The following FAXC variants were observed in gnomAD, a reference collection of about 807,000 sequenced individuals.
FAXC encodes the protein failed axon connections homolog, metaxin like GST domain containing, also known as failed axon connections homolog.
A neutral mutation model predicts 41.9 loss-of-function variants in FAXC; 10 were observed. The observed-to-expected ratio is 0.24, with a 90% CI of 0.15 to 0.41. FAXC has a LOEUF of 0.41. FAXC is among the 10% of genes least tolerant of loss of function. The pLI is 1.00. For synonymous variants in FAXC, 183 were observed against 183.8 expected (o/e 1.00, Z 0.03); for missense variants, 399 against 510.9 (o/e 0.78, Z 2.11).
At chr6:99,319,876 A>T (rs1328409157) in intron 4 of FAXC, among the ~76,000 whole-genome samples, 1 of 152,170 alleles carries the variant, frequency 6.6e-6, no homozygotes, top group African/African-American at 2.4e-5. Context: ...TCCTTCGTAA[A>T]CTTACTGAAT....
intron 4 of FAXC, among the ~76,000 whole-genome samples, chr6:99,318,306 C>CACACAAAA (rs147852055): frequency 0.023 from 3,055 of 135,270 alleles, 95 homozygotes; most frequent in Middle Eastern, 0.039. Flanking sequence ...CACACACACA[C>CACACAAAA]AAAATAGAAG....
At chr6:99,337,227 A>G (rs1582684531) in intron 2 of FAXC, among the ~76,000 whole-genome samples, 1 of 151,086 alleles carries the variant, frequency 6.6e-6, no homozygotes, top group African/African-American at 2.4e-5. Flanking sequence ...GGGGGTGTGC[A>G]CTGTACTATT....
At chr6:99,310,769 C>A (rs1401925982) in intron 4 of FAXC, among the ~76,000 whole-genome samples, 1 of 152,150 alleles carries the variant, frequency 6.6e-6, no homozygotes, top group Admixed American at 6.5e-5. Context: ...AACATGTGTG[C>A]GTAGATGTTC....
At chr6:99,308,550 T>C (rs1430762046) in intron 4 of FAXC, among the ~76,000 whole-genome samples, 1 of 150,674 alleles carries the variant, frequency 6.6e-6, no homozygotes, top group Non-Finnish European at 1.5e-5. Flanking sequence ...TATGAACTTA[T>C]CTCAGGGAAA....
intron 4 of FAXC, among the ~76,000 whole-genome samples, chr6:99,322,484 G>A (rs79054756): frequency 1.8e-3 from 270 of 152,266 alleles, no homozygotes; most frequent in African/African-American, 6.4e-3. Flanking sequence ...GGTACTTAAT[G>A]TGCTCTAGAA....
chr6:99,332,701 T>C lies in FAXC; in HGVS notation c.599+650A>G, dbSNP rs367914053. Among the ~76,000 whole-genome samples the C allele has an allele frequency of 9.2e-5, 14 of 152,316 alleles. No individual in the cohort carries two copies. The South Asian group carries it at 2.5e-3, about 27-fold the overall frequency. On this transcript the variant is annotated intron_variant, in intron 3 of 5. Transcript: ENST00000389677. The stretch of plus-strand genomic sequence containing the variant: ...CCAGAAAGGAGTAGTATGCTTTACT[T>C]CTGGAACATACAGAAGCTCTTGTTA...
At chr6:99,303,234 C>T (rs221574) in intron 4 of FAXC, among the ~76,000 whole-genome samples, 121,063 of 152,042 alleles carry the variant, frequency 0.8, 48,470 homozygotes, top group East Asian at 1. Flanking sequence ...AGATTGTATA[C>T]TCAGTAAGGA....
At chr6:99,324,362 C>A (rs565586774) in intron 3 of FAXC, among the ~76,000 whole-genome samples, 1 of 152,146 alleles carries the variant, frequency 6.6e-6, no homozygotes, top group Non-Finnish European at 1.5e-5. Flanking sequence ...ACCACCACAC[C>A]TAGCCTTTTT....
chr6:99,346,562 TGG>T lies in FAXC; in HGVS notation c.266+2543_266+2544del, dbSNP rs11355124. The stretch of plus-strand genomic sequence containing the variant: ...TGCCACCACGCCAGGCTAATTTTTG[TGG>T]GGTTTTTTTGTTTGTTTTTTAGTAG... On this transcript the variant is annotated intron_variant, in intron 1 of 5. Transcript: ENST00000389677. Among the ~76,000 whole-genome samples, 200 of 148,802 alleles carry T rather than the reference TGG, an allele frequency of 1.3e-3. 2 individuals carry two copies. The highest frequency in any genetic ancestry group is 3.5e-3 in the Middle Eastern group (1 of 284).
At chr6:99,293,662 C>T (rs1360350281) in intron 4 of FAXC, among the ~76,000 whole-genome samples, 1 of 121,010 alleles carries the variant, frequency 8.3e-6, no homozygotes, top group Non-Finnish European at 1.8e-5. Context: ...ATGCTCTATA[C>T]ACAGTGTGTG....
chr6:99,347,578 C>T (rs1179092461), intron 1 of FAXC, among the ~76,000 whole-genome samples: 2 of 152,100 alleles, frequency 1.3e-5, no homozygotes, highest in East Asian at 3.9e-4. Flanking sequence ...GGGCCTACTC[C>T]GGAGTGGCAG....
intron 4 of FAXC, among the ~76,000 whole-genome samples, chr6:99,293,559 TGAG>T (rs1562154857): frequency 6.6e-6 from 1 of 152,134 alleles, no homozygotes; most frequent in East Asian, 1.9e-4. Context: ...AACTATAAAA[TGAG>T]AAGAATAACT....
chr6:99,335,411 G>A (rs1773180207), intron 2 of FAXC, among the ~76,000 whole-genome samples: 2 of 152,220 alleles, frequency 1.3e-5, no homozygotes, highest in Admixed American at 1.3e-4. Flanking sequence ...TGTTGGACAT[G>A]CTCACAGGCA....
chr6:99,318,300 C>A (rs371821336), intron 4 of FAXC, among the ~76,000 whole-genome samples: 1,650 of 127,618 alleles, frequency 0.013, 35 homozygotes, highest in South Asian at 0.054. Context: ...CACACACACA[C>A]ACACACAAAA....
intron 3 of FAXC, among the ~76,000 whole-genome samples, chr6:99,330,473 A>T (rs566892550): frequency 4.6e-5 from 7 of 152,234 alleles, no homozygotes; most frequent in Non-Finnish European, 8.8e-5. Flanking sequence ...ATCAGTGTAT[A>T]GATTTCAAGT....
chr6:99,304,753 T>G (rs999776741), intron 4 of FAXC, among the ~76,000 whole-genome samples: 1 of 152,134 alleles, frequency 6.6e-6, no homozygotes, highest in African/African-American at 2.4e-5. Flanking sequence ...GTCAATTCCT[T>G]CAGGATGACA....
chr6:99,301,993 G>A (rs1409076857), intron 4 of FAXC, among the ~76,000 whole-genome samples: 1 of 152,190 alleles, frequency 6.6e-6, no homozygotes. Flanking sequence ...AGTTTCTGTG[G>A]GTCAAGAAAC....
rs1008855540 is a variant in FAXC, at chr6:99,273,339, G to GA, written c.*7824dup. On this transcript the variant is annotated 3_prime_UTR_variant, in exon 6 of 6. Coordinates refer to ENST00000389677, the MANE Select transcript of FAXC (RefSeq NM_032511.4). ...GAAGACACAAGATTATAAACAAATA[G>GA]AAAAAAAGACATGTAATCAGTGAGA... 7.9e-5 allele frequency: 12 copies of GA among 151,430 alleles called. No homozygotes were observed. The highest frequency in any genetic ancestry group is 2.9e-4 in the African/African-American group (12 of 41,180). The allele number at this position is 151,430 out of a possible 1,614,324, so 9.4% of individuals were successfully genotyped here.
chr6:99,296,165 T>A (rs138254111), intron 4 of FAXC, among the ~76,000 whole-genome samples: 2 of 152,250 alleles, frequency 1.3e-5, no homozygotes, highest in Non-Finnish European at 2.9e-5. Flanking sequence ...AAAAAAAACA[T>A]TTTTAAAAGG....
Sources: allele counts gnomAD v4.1 joint callset (sites outside exome capture counted in the v4.1 genomes callset), GRCh38; gene constraint gnomAD v4.1.1; transcripts MANE v1.5; gene names NCBI Gene and HGNC (gene_info 2026-07-23, HGNC 2026-07-21).